The following GPC5 variants were observed in gnomAD, a reference collection of about 807,000 sequenced individuals.
GPC5 encodes the protein glypican 5.
A neutral mutation model predicts 53.9 loss-of-function variants in GPC5; 47 were observed. That is an observed-to-expected ratio of 0.87 (90% CI 0.69 to 1.11). The LOEUF (loss-of-function observed/expected upper bound fraction) is 1.11. Among genes scored for constraint, GPC5 ranks in the 50% most tolerant of loss-of-function variants. The probability of loss-of-function intolerance (pLI) is 0.00; values close to 1 mark genes in which losing one functional copy is unlikely to be tolerated. For missense variants in GPC5, 748 were observed against 713.1 expected (o/e 1.05, Z -0.56); for synonymous variants, 286 against 263.3 (o/e 1.09, Z -0.84).
intron 2 of GPC5, among the ~76,000 whole-genome samples, chr13:91,482,246 C>T (rs956604874): frequency 1.3e-5 from 2 of 152,126 alleles, no homozygotes; most frequent in Non-Finnish European, 2.9e-5. Flanking sequence ...CTCTCTCACT[C>T]GTCTGTTTAT....
At chr13:91,951,300 C>T (rs932336446) in intron 6 of GPC5, among the ~76,000 whole-genome samples, 8 of 151,834 alleles carry the variant, frequency 5.3e-5, no homozygotes, top group South Asian at 4.1e-4. Context: ...ACATAAAATT[C>T]GAGAATTACT....
chr13:91,913,178 A>C (rs1187344802), intron 6 of GPC5, among the ~76,000 whole-genome samples: 1 of 152,110 alleles, frequency 6.6e-6, no homozygotes, highest in Non-Finnish European at 1.5e-5. Flanking sequence ...AGGTGGGCGG[A>C]TCACGAGGTC....
At chr13:91,768,329 G>A (rs1282904523) in intron 5 of GPC5, among the ~76,000 whole-genome samples, 1 of 152,022 alleles carries the variant, frequency 6.6e-6, no homozygotes, top group African/African-American at 2.4e-5. Context: ...AAGGAAATTT[G>A]TTGGATATTA....
At chr13:91,429,898 G>A (rs1879316019) in intron 1 of GPC5, among the ~76,000 whole-genome samples, 1 of 152,142 alleles carries the variant, frequency 6.6e-6, no homozygotes, top group South Asian at 2.1e-4. Flanking sequence ...ACTATGTGAG[G>A]AGCAAGGATA....
intron 7 of GPC5, among the ~76,000 whole-genome samples, chr13:92,491,911 A>C (rs1341332809): frequency 6.6e-6 from 1 of 152,160 alleles, no homozygotes; most frequent in Admixed American, 6.5e-5. Flanking sequence ...TTGTTAACTG[A>C]ATTCAGTTGA....
chr13:92,800,916 T>C (rs2138786794), intron 7 of GPC5, among the ~76,000 whole-genome samples: 1 of 151,918 alleles, frequency 6.6e-6, no homozygotes, highest in Admixed American at 6.6e-5. Context: ...GATGACCTTC[T>C]TGCTTGTATA....
Position 92,789,555 on chromosome 13 carries a change from A to T in GPC5, c.1562-76727A>T, listed in dbSNP as rs144491041. Among the ~76,000 whole-genome samples, 884 of 151,976 alleles carry T rather than the reference A, an allele frequency of 5.8e-3. 12 individuals are homozygous for T. Among genetic ancestry groups the T allele is most frequent in the African/African-American group, 0.02 (819 of 41,264 alleles). ...CCATTCTATACACTTCACAAATATT[A>T]ATTTATTTAATCTTCATAGTCATTA... On this transcript the variant is annotated intron_variant, in intron 7 of 7. Coordinates refer to ENST00000377067, the MANE Select transcript of GPC5 (RefSeq NM_004466.6).
At chr13:92,385,469 T>C (rs141548926) in intron 7 of GPC5, among the ~76,000 whole-genome samples, 1,402 of 112,452 alleles carry the variant, frequency 0.012, 79 homozygotes, top group East Asian at 0.031. Flanking sequence ...TACACATATA[T>C]ACATATATAC....
At chr13:91,925,996 G>A (rs1195778875) in intron 6 of GPC5, among the ~76,000 whole-genome samples, 1 of 152,130 alleles carries the variant, frequency 6.6e-6, no homozygotes, top group Non-Finnish European at 1.5e-5. Flanking sequence ...TGTGATGACT[G>A]AATAACAGGA....
chr13:91,771,839 G>A lies in GPC5; in HGVS notation c.1280+15419G>A, dbSNP rs182726318. Among the ~76,000 whole-genome samples, 25 of 152,236 alleles carry A rather than the reference G, an allele frequency of 1.6e-4. No individual in the cohort carries two copies. In the East Asian group the frequency reaches 4.8e-3, roughly 29 times the overall value. ...TATCTTACTTCAGAACAATAGAAAT[G>A]CCAGTGCATTTCAAATAAAATACAA... On this transcript the variant is annotated intron_variant, in intron 5 of 7. Coordinates refer to ENST00000377067, the MANE Select transcript of GPC5 (RefSeq NM_004466.6).
intron 7 of GPC5, among the ~76,000 whole-genome samples, chr13:92,379,663 C>G (rs1243908963): frequency 1.3e-5 from 2 of 151,792 alleles, no homozygotes; most frequent in South Asian, 2.1e-4. Context: ...CCCTGTGCCC[C>G]CTGCATATTA....
intron 6 of GPC5, among the ~76,000 whole-genome samples, chr13:92,115,699 G>A (rs1270216120): frequency 1.3e-5 from 2 of 152,072 alleles, no homozygotes; most frequent in Admixed American, 6.6e-5. Flanking sequence ...GTAGATCCAC[G>A]TTGTTGTGTG....
intron 6 of GPC5, among the ~76,000 whole-genome samples, chr13:91,932,832 A>T (rs139361104): frequency 2.6e-4 from 40 of 152,050 alleles, no homozygotes; most frequent in Middle Eastern, 3.4e-3. Flanking sequence ...CTTAAATCAG[A>T]GGTTAGACTG....
At chr13:91,886,570 T>C (rs2039324659) in intron 5 of GPC5, among the ~76,000 whole-genome samples, 2 of 152,196 alleles carry the variant, frequency 1.3e-5, no homozygotes. Context: ...CCTATAAGCC[T>C]GTAAAACTGA....
intron 7 of GPC5, among the ~76,000 whole-genome samples, chr13:92,781,601 T>C (rs1876025563): frequency 6.6e-6 from 1 of 152,156 alleles, no homozygotes; most frequent in African/African-American, 2.4e-5. Context: ...GATGGAACCA[T>C]TTGTAAAATT....
At chr13:91,488,451 T>C (rs2139243277) in intron 2 of GPC5, among the ~76,000 whole-genome samples, 1 of 152,342 alleles carries the variant, frequency 6.6e-6, no homozygotes, top group Middle Eastern at 3.4e-3. Flanking sequence ...AGGGACCGCC[T>C]GAAGCCATGG....
intron 6 of GPC5, among the ~76,000 whole-genome samples, chr13:92,116,414 C>T (rs532452265): frequency 6.6e-5 from 10 of 152,280 alleles, no homozygotes; most frequent in African/African-American, 2.4e-4. Context: ...TTCTAGCCTC[C>T]AGAGAAAATA....
At chr13:92,603,635 G>C (rs1318763546) in intron 7 of GPC5, among the ~76,000 whole-genome samples, 1 of 152,096 alleles carries the variant, frequency 6.6e-6, no homozygotes, top group East Asian at 1.9e-4. Flanking sequence ...GTATTACCTA[G>C]GGTAAAACTA....
intron 7 of GPC5, among the ~76,000 whole-genome samples, chr13:92,234,591 T>G (rs1285363979): frequency 2.0e-5 from 3 of 151,430 alleles, no homozygotes; most frequent in African/African-American, 7.3e-5. Context: ...GGCAATACAT[T>G]GTGGGGATGT....
Sources: gnomAD v4.1 joint callset for allele counts (sites outside exome capture counted in the v4.1 genomes callset) on GRCh38, gnomAD v4.1.1 for gene constraint, MANE v1.5 for transcripts, NCBI Gene and HGNC (gene_info 2026-07-23, HGNC 2026-07-21) for gene names.